GSK3B: variants seen among roughly 807,000 people sequenced by gnomAD.
GSK3B encodes the protein glycogen synthase kinase-3 beta.
In GSK3B, 15 loss-of-function variants were observed where a neutral mutation model predicts 56.4. The ratio of observed to expected loss-of-function variants is 0.27; its 90% CI spans 0.18 to 0.41. The LOEUF is 0.41. Ranked by LOEUF, GSK3B falls within the 10% of genes least tolerant of loss-of-function variation. The probability of loss-of-function intolerance (pLI) is 1.00; values close to 1 mark genes in which losing one functional copy is unlikely to be tolerated. For synonymous variants in GSK3B, 181 were observed against 188.9 expected (o/e 0.96, Z 0.34); for missense variants, 300 against 513.4 (o/e 0.58, Z 4.02).
chr3:119,945,281 A>T (rs76408245), intron 3 of GSK3B, among the ~76,000 whole-genome samples: 2,614 of 152,290 alleles, frequency 0.017, 78 homozygotes, highest in African/African-American at 0.06. Flanking sequence ...AAGCTATCCC[A>T]AAATTAGGAG....
At chr3:119,967,468 T>A (rs1296442098) in intron 2 of GSK3B, among the ~76,000 whole-genome samples, 1 of 152,158 alleles carries the variant, frequency 6.6e-6, no homozygotes, top group Admixed American at 6.5e-5. Context: ...AATAATCTTG[T>A]AAAGAAGAAG....
In GSK3B at chr3:119,912,818, A is replaced by G. The variant is rs774964010; in HGVS notation, c.609-8T>C. 7.8e-6 allele frequency: 11 copies of G among 1,407,104 alleles called. No individual in the cohort carries two copies. The East Asian group carries it at 1.8e-4, about 23-fold the overall frequency. The allele number at this position is 1,407,104 out of a possible 1,614,324, so 87.2% of individuals were successfully genotyped here. On this transcript the variant is annotated splice_region_variant and splice_polypyrimidine_tract_variant and intron_variant, in intron 5 of 10. Transcript: ENST00000264235. ...CGGACCAGCTGCTTTGCACTAACAG[A>G]AAAAAAATAAAAATAAAAAGCAGAA...
At chr3:120,029,702 G>A in intron 1 of GSK3B, 1 of 532,674 alleles carries the variant, frequency 1.9e-6, no homozygotes. Context: ...AAATCTTCAT[G>A]GGATGGAAAT....
At chr3:119,961,632 CAA>C (rs1211316414) in intron 2 of GSK3B, among the ~76,000 whole-genome samples, 430 of 95,836 alleles carry the variant, frequency 4.5e-3, no homozygotes, top group Middle Eastern at 0.011. Context: ...GTCTCACAAA[CAA>C]AAAAAAAAAA....
chr3:119,955,353 G>A (rs2057203250), intron 2 of GSK3B, among the ~76,000 whole-genome samples: 1 of 151,982 alleles, frequency 6.6e-6, no homozygotes, highest in Non-Finnish European at 1.5e-5. Flanking sequence ...CATAGAACAT[G>A]TAATGATCAT....
intron 2 of GSK3B, among the ~76,000 whole-genome samples, chr3:119,958,585 G>T (rs1187264545): frequency 2.0e-5 from 3 of 152,028 alleles, no homozygotes; most frequent in Non-Finnish European, 4.4e-5. Flanking sequence ...GACTGAGGTG[G>T]GAGGATCACT....
chr3:119,855,659 A>G (rs2056009968), intron 9 of GSK3B, among the ~76,000 whole-genome samples: 1 of 152,218 alleles, frequency 6.6e-6, no homozygotes, highest in Non-Finnish European at 1.5e-5. Flanking sequence ...ATAAAAAAGG[A>G]TGAGTTCATG....
At chr3:120,058,490 T>C (rs2058209323) in intron 1 of GSK3B, among the ~76,000 whole-genome samples, 1 of 152,108 alleles carries the variant, frequency 6.6e-6, no homozygotes, top group Non-Finnish European at 1.5e-5. Context: ...TAGAGTCTCC[T>C]GAGAGTAAAT....
intron 6 of GSK3B, among the ~76,000 whole-genome samples, chr3:119,906,709 T>C (rs1166055454): frequency 6.6e-6 from 1 of 152,066 alleles, no homozygotes; most frequent in Non-Finnish European, 1.5e-5. Flanking sequence ...TCCAGATTTC[T>C]GAGATTCCTA....
At position 119,823,674 on chromosome 3, in the gene GSK3B, A is replaced by G. The variant is rs1038570931; in HGVS notation, c.*3114T>C. The G allele has an allele frequency of 2.7e-5, 5 of 182,982 alleles. No individual in the cohort carries two copies. The allele number at this position is 182,982 out of a possible 1,614,324, so 11.3% of individuals were successfully genotyped here. Reference sequence around the variant, plus strand: ...TAAGTCCCTGAATGGACTAAGTATGAAATGAAACCGGTCTCACTGCTACCG... The same window carrying G: ...TAAGTCCCTGAATGGACTAAGTATGGAATGAAACCGGTCTCACTGCTACCG... On this transcript the variant is annotated 3_prime_UTR_variant, in exon 11 of 11. Transcript: ENST00000264235.
chr3:119,998,607 C>T (rs185276814), intron 2 of GSK3B, among the ~76,000 whole-genome samples: 4 of 152,192 alleles, frequency 2.6e-5, no homozygotes, highest in Admixed American at 2.6e-4. Flanking sequence ...AAGACACACA[C>T]TCTAAAAGGG....
intron 1 of GSK3B, among the ~76,000 whole-genome samples, chr3:120,082,626 C>T (rs971871768): frequency 1.3e-5 from 2 of 151,942 alleles, no homozygotes; most frequent in Admixed American, 1.3e-4. Flanking sequence ...GAACTCCTGA[C>T]CTCGTGATCC....
chr3:120,071,671 C>T (rs1163921942), intron 1 of GSK3B, among the ~76,000 whole-genome samples: 1 of 152,096 alleles, frequency 6.6e-6, no homozygotes, highest in Non-Finnish European at 1.5e-5. Context: ...AAGCTCAGGG[C>T]TCCTACTGAT....
At chr3:119,896,245 C>T (rs537258701) in intron 7 of GSK3B, among the ~76,000 whole-genome samples, 84 of 152,144 alleles carry the variant, frequency 5.5e-4, no homozygotes, top group Admixed American at 1.6e-3. Context: ...TCTTCCTCCC[C>T]GCCAAAAAGT....
At chr3:119,958,123 G>A (rs1576228903) in intron 2 of GSK3B, among the ~76,000 whole-genome samples, 1 of 152,150 alleles carries the variant, frequency 6.6e-6, no homozygotes, top group African/African-American at 2.4e-5. Flanking sequence ...AGATTTGATG[G>A]TTTTATAAAT....
chr3:120,029,461 C>A (rs2057957181), intron 1 of GSK3B: 2 of 698,754 alleles, frequency 2.9e-6, no homozygotes, highest in Non-Finnish European at 5.4e-6. Flanking sequence ...CATTCTGGAT[C>A]AAGAGCAGTG....
chr3:119,854,788 C>A (rs960320000), intron 9 of GSK3B, among the ~76,000 whole-genome samples: 2 of 151,948 alleles, frequency 1.3e-5, no homozygotes, highest in African/African-American at 4.8e-5. Context: ...TTTTTTATTG[C>A]GTCTATTCGA....
chr3:120,001,083 C>T (rs950915740), intron 2 of GSK3B, among the ~76,000 whole-genome samples: 1 of 151,752 alleles, frequency 6.6e-6, no homozygotes, highest in African/African-American at 2.4e-5. Context: ...CGCCACCATA[C>T]CCGGCTAATT....
At chr3:119,850,457 T>C (rs1271115034) in intron 9 of GSK3B, among the ~76,000 whole-genome samples, 1 of 152,228 alleles carries the variant, frequency 6.6e-6, no homozygotes, top group African/African-American at 2.4e-5. Context: ...CTTACAACTT[T>C]TCCCTGTGAG....
Sources: allele counts gnomAD v4.1 joint callset (sites outside exome capture counted in the v4.1 genomes callset), GRCh38; gene constraint gnomAD v4.1.1; transcripts MANE v1.5; gene names NCBI Gene and HGNC (gene_info 2026-07-23, HGNC 2026-07-21).